The following RFX7 variants were observed in gnomAD, a reference collection of about 807,000 sequenced individuals.
RFX7 encodes regulatory factor X7.
In RFX7, 26 loss-of-function variants were observed where a neutral mutation model predicts 111.8. The ratio of observed to expected loss-of-function variants is 0.23; its 90% CI spans 0.17 to 0.32. The LOEUF (loss-of-function observed/expected upper bound fraction) is 0.32, where lower values mean the gene tolerates loss of function less well. RFX7 is among the 10% of genes least tolerant of loss of function. RFX7 has a pLI of 1.00. For synonymous variants in RFX7, 624 were observed against 624.4 expected (o/e 1.00, Z 0.01); for missense variants, 1,573 against 1,772.9 (o/e 0.89, Z 2.02).
rs1409023334 is a variant in RFX7, at chr15:56,121,761, C to A, written c.402-18091G>T. On this transcript the variant is annotated intron_variant, in intron 5 of 9. Transcript: ENST00000559447. ...CCTCTGACTGTGTATGTTCAAATAA[C>A]CTGTTTCAGGGTCACTAGTTCTTTT... Among the ~76,000 whole-genome samples the A allele has an allele frequency of 2.0e-5, 3 of 152,002 alleles. No homozygotes were observed. In the East Asian group the frequency reaches 5.8e-4, roughly 29 times the overall value.
At chr15:56,220,752 G>C (rs76266296) in intron 2 of RFX7, among the ~76,000 whole-genome samples, 3,038 of 151,986 alleles carry the variant, frequency 0.02, 47 homozygotes, top group Non-Finnish European at 0.03. Context: ...TTCCTTTCCC[G>C]GTTCCTATGA....
chr15:56,229,434 T>G (rs2043523924), intron 2 of RFX7, among the ~76,000 whole-genome samples: 1 of 152,076 alleles, frequency 6.6e-6, no homozygotes, highest in South Asian at 2.1e-4. Flanking sequence ...CCTGGTTAAT[T>G]TTTTGTATTT....
At chr15:56,133,958 C>G (rs544334671) in intron 5 of RFX7, among the ~76,000 whole-genome samples, 3 of 152,112 alleles carry the variant, frequency 2.0e-5, no homozygotes, top group Admixed American at 1.3e-4. Flanking sequence ...TTTGTATGCA[C>G]GTATACTAAC....
chr15:56,137,844 C>T (rs2042327951), intron 5 of RFX7, among the ~76,000 whole-genome samples: 1 of 152,034 alleles, frequency 6.6e-6, no homozygotes, highest in South Asian at 2.1e-4. Flanking sequence ...CAAAGAACAT[C>T]TTTATTTCTG....
intron 2 of RFX7, among the ~76,000 whole-genome samples, chr15:56,179,855 TTAAC>T (rs2141132921): frequency 6.7e-6 from 1 of 148,322 alleles, no homozygotes; most frequent in East Asian, 2.0e-4. Flanking sequence ...TAATAAAAGA[TTAAC>T]TAATATAGTA....
chr15:56,138,514 C>T (rs1490772583), intron 5 of RFX7, among the ~76,000 whole-genome samples: 1 of 148,874 alleles, frequency 6.7e-6, no homozygotes, highest in East Asian at 2.1e-4. Context: ...TGTGTCTCTG[C>T]ACGTGAGATG....
Position 56,093,537 on chromosome 15 carries a change from C to A in RFX7, c.4191G>T (p.Leu1397Phe). ...SSELSGSIND[L>F]NTLDPNLLFD... ...ACAGTAGATTTGGGTCTAAAGTGTT[C>A]AAATCATTGATGCTGCCTGAGAGCT... The change falls in exon 10 of 10, where the codon TTG becomes TTT. Residue 1397 changes from leucine to phenylalanine, a missense_variant. Leu to Phe is a conservative substitution (Grantham distance 22, BLOSUM62 0). Around this residue, in one of 7 missense-constraint regions of RFX7, gnomAD observed 411 missense variants for 478.1 expected, o/e 0.86. Transcript: ENST00000559447. The A allele has an allele frequency of 6.2e-7, 1 of 1,613,812 alleles. No homozygotes were observed. The highest frequency in any genetic ancestry group is 1.1e-5 in the South Asian group (1 of 91,048).
Position 56,096,420 on chromosome 15 carries a change from T to C in RFX7, c.1308A>G (p.Pro436=). The C allele has an allele frequency of 1.9e-6, 3 of 1,613,828 alleles. No homozygotes were observed. The highest frequency in any genetic ancestry group is 2.5e-6 in the Non-Finnish European group (3 of 1,179,854). ...GAATGGTGAGTGCACTGGTGTTCGCTGGTTTGGGTAAGATCTGAGGGTAAC... is the reference window on the plus strand; with the variant it reads ...GAATGGTGAGTGCACTGGTGTTCGCCGGTTTGGGTAAGATCTGAGGGTAAC... ...RHRYPQILPK[P]ANTSALTIRS... is the part of the protein sequence containing the mutation. Residue 436 remains proline (P), a synonymous_variant, in exon 10 of 10, where the codon CCA becomes CCG. Coordinates refer to ENST00000559447, the MANE Select transcript of RFX7 (RefSeq NM_022841.7).
intron 3 of RFX7, among the ~76,000 whole-genome samples, chr15:56,149,711 A>G (rs1274025242): frequency 2.0e-5 from 3 of 151,910 alleles, no homozygotes; most frequent in Admixed American, 6.6e-5. Context: ...AAACCAGGAG[A>G]TTCCCTCTGG....
At chr15:56,151,866 C>T (rs2042574001) in intron 3 of RFX7, among the ~76,000 whole-genome samples, 1 of 152,034 alleles carries the variant, frequency 6.6e-6, no homozygotes, top group Non-Finnish European at 1.5e-5. Context: ...GGAGGAAGAT[C>T]CACCAAGCAA....
intron 2 of RFX7, among the ~76,000 whole-genome samples, chr15:56,229,563 A>G (rs1176048245): frequency 6.6e-6 from 1 of 152,114 alleles, no homozygotes; most frequent in African/African-American, 2.4e-5. Context: ...GACTCCTCTA[A>G]TCCAGTAGTT....
chr15:56,113,994 T>G (rs942255331), intron 5 of RFX7, among the ~76,000 whole-genome samples: 6 of 152,220 alleles, frequency 3.9e-5, no homozygotes, highest in Admixed American at 2.0e-4. Flanking sequence ...CTAATTAGCT[T>G]GAGCCTTAGA....
chr15:56,220,834 C>T (rs139308503), intron 2 of RFX7, among the ~76,000 whole-genome samples: 1,897 of 152,214 alleles, frequency 0.012, 21 homozygotes, highest in Non-Finnish European at 0.021. Flanking sequence ...GTTTTTATTC[C>T]ATCTTGAGTT....
Position 56,094,245 on chromosome 15 carries a change from G to T in RFX7, c.3483C>A (p.Asn1161Lys). 1 of 1,613,980 alleles carries T rather than the reference G, an allele frequency of 6.2e-7. No individual in the cohort carries two copies. Among genetic ancestry groups the T allele is most frequent in the Non-Finnish European group, 8.5e-7 (1 of 1,179,874 alleles). The change falls in exon 10 of 10, where the codon AAC becomes AAA. Residue 1161 changes from asparagine (N) to lysine (K), a missense_variant. Asn to Lys is a moderately conservative substitution (Grantham distance 94). Transcript: ENST00000559447. ...NKGTNSSASSNFRCRSVSPAV... is the reference protein window; with the variant it reads ...NKGTNSSASSKFRCRSVSPAV... ...CAGGGCTCACACTCCGGCATCTGAA[G>T]TTGCTGCTGGCAGATGAATTAGTTC...
In RFX7 at chr15:56,088,824, A is replaced by G. The variant is rs2041561136; in HGVS notation, c.*4521T>C. 1.3e-5 allele frequency: 2 copies of G among 151,632 alleles called. No homozygotes were observed. The highest frequency in any genetic ancestry group is 4.3e-4 in the South Asian group (2 of 4,680). The allele number at this position is 151,632 out of a possible 1,614,324, so 9.4% of individuals were successfully genotyped here. A position where few individuals can be genotyped will look rare whatever the true frequency, so the allele number is the denominator to read the frequency against. ...GAAGGCAAGATACCAGTTAACAGTT[A>G]GCACCAGTAAACTTAGTTCGGCAGA... On this transcript the variant is annotated 3_prime_UTR_variant, in exon 10 of 10. Coordinates refer to ENST00000559447, the MANE Select transcript of RFX7 (RefSeq NM_022841.7).
At chr15:56,225,598 T>C (rs1290879326) in intron 2 of RFX7, among the ~76,000 whole-genome samples, 1 of 152,168 alleles carries the variant, frequency 6.6e-6, no homozygotes, top group Non-Finnish European at 1.5e-5. Flanking sequence ...GGAATCCCAA[T>C]CACATCTCAC....
intron 2 of RFX7, among the ~76,000 whole-genome samples, chr15:56,179,900 G>C (rs1451537379): frequency 1.3e-5 from 2 of 151,528 alleles, no homozygotes; most frequent in Non-Finnish European, 2.9e-5. Flanking sequence ...AATACACTTA[G>C]AAATAAATAA....
intron 3 of RFX7, among the ~76,000 whole-genome samples, chr15:56,160,341 T>A (rs1350118016): frequency 6.6e-6 from 1 of 151,896 alleles, no homozygotes; most frequent in Non-Finnish European, 1.5e-5. Flanking sequence ...CAGATTGGTA[T>A]CAGTAAAAAG....
At chr15:56,098,048 C>G in intron 9 of RFX7, 33 bp downstream of exon 9, 3 of 1,591,152 alleles carry the variant, frequency 1.9e-6, no homozygotes, top group Admixed American at 1.8e-5. Context: ...TCCCACCATC[C>G]CAATAAGGCC....
Sources: gnomAD v4.1 joint callset for allele counts (sites outside exome capture counted in the v4.1 genomes callset) on GRCh38, gnomAD v4.1.1 for gene constraint, gnomAD v4.1.1 regional missense constraint, MANE v1.5 for transcripts, NCBI Gene and HGNC (gene_info 2026-07-23, HGNC 2026-07-21) for gene names.